TBXAS1: variants seen among roughly 807,000 people sequenced by gnomAD.
TBXAS1 encodes thromboxane A synthase 1.
TBXAS1 carries 48 observed loss-of-function variants against 60.7 expected under a neutral mutation model. The observed-to-expected ratio is 0.79, with a 90% confidence interval of 0.63 to 1.01. TBXAS1 has a LOEUF of 1.01. Among genes scored for constraint, TBXAS1 ranks in the 50% least tolerant of loss-of-function variants. TBXAS1 has a pLI of 0.00. For missense variants in TBXAS1, 685 were observed against 686.3 expected, an observed-to-expected ratio of 1.00 and a Z score of 0.02; for synonymous variants, 287 against 269.7, an observed-to-expected ratio of 1.06 and a Z score of -0.63.
intron 3 of TBXAS1, among the ~76,000 whole-genome samples, chr7:139,784,015 T>TG (rs1438994041): frequency 6.7e-6 from 1 of 150,026 alleles, no homozygotes; most frequent in South Asian, 2.1e-4. Context: ...TTTTTTGTTT[T>TG]TTTTTTTTTT....
rs115857291 is a variant in TBXAS1, at chr7:139,935,730, G to A, written c.334-461G>A. 3.1e-3 allele frequency among the ~76,000 whole-genome samples: 465 copies of A among 152,124 alleles called. 6 individuals carry two copies. Among genetic ancestry groups the A allele is most frequent in the African/African-American group, 0.011 (436 of 41,428 alleles). ...TTCCCTCTCCCTCCACCCATACAAG[G>A]GTCCAGACGAGTGAGTCTTCTGTCA... On this transcript the variant is annotated intron_variant, in intron 4 of 12. Transcript: ENST00000448866.
At position 139,803,078 on chromosome 7, in the gene TBXAS1, G is replaced by A. The variant is rs144164684; in HGVS notation, c.-80+15652G>A. The stretch of plus-strand genomic sequence containing the variant: ...CTGCTGTAAATATACCTGAAAATGT[G>A]GAAGTGACTTTGGAACTGGGTAACA... On this transcript the variant is annotated intron_variant, in intron 4 of 16. Coordinates refer to the TBXAS1 transcript ENST00000336425. Among the ~76,000 whole-genome samples the A allele has an allele frequency of 1.7e-3, 263 of 152,354 alleles. 8 individuals are homozygous for A. The East Asian group carries it at 0.043, about 25-fold the overall frequency.
At chr7:139,992,389 C>T (rs1812978368) in intron 9 of TBXAS1, among the ~76,000 whole-genome samples, 3 of 152,186 alleles carry the variant, frequency 2.0e-5, no homozygotes, top group Admixed American at 6.5e-5. Context: ...TATCCTAATC[C>T]ACCCCGCCAG....
chr7:139,847,815 T>G (rs1238880530), intron 1 of TBXAS1, among the ~76,000 whole-genome samples: 2 of 152,190 alleles, frequency 1.3e-5, no homozygotes, highest in East Asian at 3.8e-4. Flanking sequence ...TTGCAATATT[T>G]GTTGTTTGTT....
At chr7:140,002,346 T>C (rs1488169606) in intron 9 of TBXAS1, among the ~76,000 whole-genome samples, 1 of 152,252 alleles carries the variant, frequency 6.6e-6, no homozygotes, top group Non-Finnish European at 1.5e-5. Flanking sequence ...GTTGAGACTT[T>C]GGGTTCACAG....
At chr7:139,788,176 A>C (rs1797258676) in intron 4 of TBXAS1, among the ~76,000 whole-genome samples, 1 of 152,202 alleles carries the variant, frequency 6.6e-6, no homozygotes, top group Non-Finnish European at 1.5e-5. Context: ...GTTTAAGATT[A>C]ATGAAAATAA....
intron 4 of TBXAS1, among the ~76,000 whole-genome samples, chr7:139,926,115 G>T (rs753995904): frequency 1.3e-5 from 2 of 152,014 alleles, no homozygotes; most frequent in Non-Finnish European, 1.5e-5. Flanking sequence ...GTTTTGTTTT[G>T]TTTGATGTGA....
chr7:139,978,931 G>A (rs150758496), intron 9 of TBXAS1, among the ~76,000 whole-genome samples: 100 of 152,222 alleles, frequency 6.6e-4, no homozygotes, highest in Non-Finnish European at 1.1e-3. Flanking sequence ...CTCTAGCATG[G>A]GCGACAAAAC....
intron 4 of TBXAS1, among the ~76,000 whole-genome samples, chr7:139,790,114 A>G (rs921240362): frequency 4.6e-5 from 7 of 152,198 alleles, no homozygotes; most frequent in African/African-American, 7.2e-5. Flanking sequence ...TACATTATAC[A>G]TACAACAATT....
At chr7:139,864,647 T>C (rs186653747) in intron 1 of TBXAS1, among the ~76,000 whole-genome samples, 574 of 152,128 alleles carry the variant, frequency 3.8e-3, no homozygotes, top group Non-Finnish European at 6.1e-3. Flanking sequence ...TTTAGAGTTA[T>C]AATAATTAAA....
chr7:139,886,929 C>A (rs568531854), intron 3 of TBXAS1, among the ~76,000 whole-genome samples: 8 of 152,154 alleles, frequency 5.3e-5, no homozygotes, highest in Non-Finnish European at 1.2e-4. Context: ...GAGCAAGAAG[C>A]CTCAGCTCTT....
At position 139,999,306 on chromosome 7, in the gene TBXAS1, C is replaced by T. The variant is rs1055624298; in HGVS notation, c.1135-7785C>T. Among the ~76,000 whole-genome samples, 3 of 152,220 alleles carry T rather than the reference C, an allele frequency of 2.0e-5. No individual in the cohort carries two copies. Among genetic ancestry groups the T allele is most frequent in the African/African-American group, 7.2e-5 (3 of 41,456 alleles). On this transcript the variant is annotated intron_variant, in intron 9 of 12. Coordinates refer to ENST00000448866, the MANE Select transcript of TBXAS1 (RefSeq NM_001061.7). This position sits in a 1 kb window ranked among gnomAD's most constrained non-coding sequence, Gnocchi z 4.3. ...TTGGGAGGCCGAGGTGGGTGAATCA[C>T]CTGAGGTCAGGAGTTCAAGACCAGC...
At chr7:139,830,238 A>G (rs57376594) in intron 1 of TBXAS1, among the ~76,000 whole-genome samples, 9,887 of 152,236 alleles carry the variant, frequency 0.065, 1,063 homozygotes, top group African/African-American at 0.23. Flanking sequence ...AAGCACCTGG[A>G]TTTAGATGGC....
intron 1 of TBXAS1, among the ~76,000 whole-genome samples, chr7:139,860,790 T>C (rs1165626426): frequency 6.6e-6 from 1 of 152,192 alleles, no homozygotes; most frequent in African/African-American, 2.4e-5. Context: ...GAGAATAAAT[T>C]TGTGTTGTTT....
intron 4 of TBXAS1, among the ~76,000 whole-genome samples, chr7:139,795,284 CA>C (rs1585516771): frequency 1.7e-5 from 2 of 119,440 alleles, no homozygotes; most frequent in East Asian, 4.5e-4. Flanking sequence ...AGCATTTTTT[CA>C]TGTGTTTTTT....
intron 1 of TBXAS1, among the ~76,000 whole-genome samples, chr7:139,845,489 G>T (rs766474805): frequency 1.3e-5 from 2 of 151,956 alleles, no homozygotes; most frequent in African/African-American, 2.4e-5. Flanking sequence ...CATCTCCTAG[G>T]TTCTTGCCCC....
At chr7:139,996,560 C>T (rs141229065) in intron 9 of TBXAS1, among the ~76,000 whole-genome samples, 6 of 152,372 alleles carry the variant, frequency 3.9e-5, no homozygotes, top group Non-Finnish European at 7.3e-5. Flanking sequence ...CTGGAAGATG[C>T]TGCCCCACCC....
At chr7:139,785,468 C>CATT (rs1554462799) in intron 3 of TBXAS1, among the ~76,000 whole-genome samples, 7 of 147,926 alleles carry the variant, frequency 4.7e-5, no homozygotes, top group East Asian at 2.0e-4. Flanking sequence ...CCCATTGTTT[C>CATT]GTTGTTGTTG....
chr7:139,959,853 T>C (rs1810189115), intron 8 of TBXAS1, among the ~76,000 whole-genome samples: 1 of 152,082 alleles, frequency 6.6e-6, no homozygotes, highest in Non-Finnish European at 1.5e-5. Flanking sequence ...TGTGCTGGTG[T>C]CCCAGAGCTG....
Sources: gnomAD v4.1 joint callset for allele counts (sites outside exome capture counted in the v4.1 genomes callset) on GRCh38, gnomAD v4.1.1 for gene constraint, Gnocchi (gnomAD v3.1) non-coding constraint, MANE v1.5 for transcripts, NCBI Gene and HGNC (gene_info 2026-07-23, HGNC 2026-07-21) for gene names.